Variants in YPEL2 observed in about 807,000 individuals in gnomAD.
YPEL2 encodes yippee like 2, also known as protein yippee-like 2.
YPEL2 carries 2 observed loss-of-function variants against 19.1 expected under a neutral mutation model. The observed-to-expected ratio is 0.10, with a 90% CI of 0.04 to 0.33. YPEL2 has a LOEUF of 0.33. YPEL2 is among the 10% of genes least tolerant of loss of function. The pLI is 1.00. For missense variants in YPEL2, 66 were observed against 140.7 expected (o/e 0.47, Z 2.68); for synonymous variants, 52 against 50.0 (o/e 1.04, Z -0.17).
intron 2 of YPEL2, among the ~76,000 whole-genome samples, chr17:59,386,616 A>C (rs2147956139): frequency 6.6e-6 from 1 of 152,272 alleles, no homozygotes; most frequent in Admixed American, 6.5e-5. Context: ...TGGCATGGCC[A>C]GGTCATGAAG....
At chr17:59,343,757 G>A (rs973159081) in intron 1 of YPEL2, among the ~76,000 whole-genome samples, 1 of 152,188 alleles carries the variant, frequency 6.6e-6, no homozygotes, top group Admixed American at 6.5e-5. Flanking sequence ...ACCACATCTT[G>A]TAAGCTACTA....
At chr17:59,347,061 A>G (rs7215266) in intron 1 of YPEL2, among the ~76,000 whole-genome samples, 1 of 152,218 alleles carries the variant, frequency 6.6e-6, no homozygotes, top group Admixed American at 6.5e-5. Context: ...GAAGCTATGC[A>G]TGGGCGTTAG....
At chr17:59,339,125 C>CCCCCCCT (rs2047714470) in intron 1 of YPEL2, among the ~76,000 whole-genome samples, 1 of 101,746 alleles carries the variant, frequency 9.8e-6, no homozygotes, top group African/African-American at 3.3e-5. Context: ...ACCCCCACCC[C>CCCCCCCT]AACGCCTTGT....
At chr17:59,347,332 G>A (rs1178915752) in intron 1 of YPEL2, among the ~76,000 whole-genome samples, 3 of 151,896 alleles carry the variant, frequency 2.0e-5, no homozygotes, top group Non-Finnish European at 1.5e-5. Context: ...TCACTGTGTT[G>A]CCCAGGCTAG....
chr17:59,389,301 T>C, intron 3 of YPEL2, 59 bp from the exon 4 acceptor site: 1 of 1,476,336 alleles, frequency 6.8e-7, no homozygotes, highest in Non-Finnish European at 9.3e-7. Context: ...AAGCTCAGCT[T>C]GAATGCCTGA....
At chr17:59,367,423 G>A (rs1277478543) in intron 2 of YPEL2, among the ~76,000 whole-genome samples, 1 of 152,126 alleles carries the variant, frequency 6.6e-6, no homozygotes. Context: ...TTCTATAAAG[G>A]CCAGATAGTA....
intron 1 of YPEL2, among the ~76,000 whole-genome samples, chr17:59,332,331 G>A (rs1489865857): frequency 6.6e-6 from 1 of 152,090 alleles, no homozygotes; most frequent in Non-Finnish European, 1.5e-5. Context: ...CTGTGGGACT[G>A]GGCGCCCTCG....
At chr17:59,373,876 A>G (rs954892151) in intron 2 of YPEL2, among the ~76,000 whole-genome samples, 4 of 152,228 alleles carry the variant, frequency 2.6e-5, no homozygotes, top group African/African-American at 9.6e-5. Flanking sequence ...TTCTATGTCT[A>G]AGGATGGGAG....
chr17:59,368,094 T>C (rs1456304989), intron 2 of YPEL2, among the ~76,000 whole-genome samples: 2 of 152,158 alleles, frequency 1.3e-5, no homozygotes, highest in Non-Finnish European at 2.9e-5. Context: ...AAATTCTCTT[T>C]TTTTTTTGAG....
intron 2 of YPEL2, among the ~76,000 whole-genome samples, chr17:59,376,206 A>C (rs1388488189): frequency 6.6e-6 from 1 of 151,946 alleles, no homozygotes; most frequent in Non-Finnish European, 1.5e-5. Context: ...GTCATCATTT[A>C]TTGATTGTGG....
In YPEL2 at chr17:59,380,627, T is replaced by C. The variant is rs116746948; in HGVS notation, c.118-7700T>C. ...TGAGAGCTATTTTATTATGCCTGTT[T>C]TACAGACTAGAAAATTGTGGCTCAG... On this transcript the variant is annotated intron_variant, in intron 2 of 4. Coordinates refer to ENST00000312655, the MANE Select transcript of YPEL2 (RefSeq NM_001005404.4). Among the ~76,000 whole-genome samples the C allele has an allele frequency of 1.6e-4, 24 of 152,316 alleles. 1 individual carries two copies. The highest frequency in any genetic ancestry group is 2.6e-4 in the Non-Finnish European group (18 of 68,032).
chr17:59,355,088 T>C (rs1345298760), intron 2 of YPEL2: 1 of 152,110 alleles, frequency 6.6e-6, no homozygotes, highest in African/African-American at 2.4e-5. Flanking sequence ...CATAAGAAAT[T>C]GAGGTACCAA....
intron 2 of YPEL2, among the ~76,000 whole-genome samples, chr17:59,386,820 G>T (rs1349648633): frequency 2.0e-5 from 3 of 152,188 alleles, no homozygotes; most frequent in Non-Finnish European, 4.4e-5. Flanking sequence ...ACCCCAAAAA[G>T]GAGAGAATTG....
chr17:59,387,879 G>A (rs1377697840), intron 2 of YPEL2, among the ~76,000 whole-genome samples: 2 of 152,326 alleles, frequency 1.3e-5, no homozygotes, highest in Admixed American at 6.5e-5. Context: ...GCTGCCTTTG[G>A]TAGAGCTGGA....
At chr17:59,393,439 T>A (rs188884090) in intron 4 of YPEL2, among the ~76,000 whole-genome samples, 1 of 150,702 alleles carries the variant, frequency 6.6e-6, no homozygotes, top group Non-Finnish European at 1.5e-5. Context: ...CTGGCCGAAT[T>A]TTTTTTTTCA....
At chr17:59,394,955 G>A (rs915098925) in intron 4 of YPEL2, among the ~76,000 whole-genome samples, 3 of 152,216 alleles carry the variant, frequency 2.0e-5, no homozygotes, top group Non-Finnish European at 2.9e-5. Context: ...CAGGCGTGGC[G>A]GCACGCGCCT....
chr17:59,392,041 G>GC (rs2147959099), intron 4 of YPEL2, among the ~76,000 whole-genome samples: 1 of 152,286 alleles, frequency 6.6e-6, no homozygotes, highest in South Asian at 2.1e-4. Flanking sequence ...ACAGTCACGG[G>GC]CCCCCTCTGG....
intron 4 of YPEL2, among the ~76,000 whole-genome samples, chr17:59,390,495 C>A (rs1014229343): frequency 6.6e-6 from 1 of 152,174 alleles, no homozygotes; most frequent in African/African-American, 2.4e-5. Flanking sequence ...ATAAATGTTC[C>A]TAAAACACCT....
chr17:59,380,035 AT>A (rs1289024358), intron 2 of YPEL2, among the ~76,000 whole-genome samples: 2 of 149,940 alleles, frequency 1.3e-5, no homozygotes, highest in Non-Finnish European at 3.0e-5. Flanking sequence ...TAATTTTTGT[AT>A]TTTCAGTAGA....
Sources: allele counts gnomAD v4.1 joint callset (sites outside exome capture counted in the v4.1 genomes callset), GRCh38; gene constraint gnomAD v4.1.1; transcripts MANE v1.5; gene names NCBI Gene and HGNC (gene_info 2026-07-23, HGNC 2026-07-21).